Variants in ZC3HAV1 observed in about 807,000 individuals in gnomAD.
ZC3HAV1 encodes zinc finger CCCH-type containing, antiviral 1.
ZC3HAV1 carries 41 observed loss-of-function variants against 86.6 expected under a neutral mutation model. The observed-to-expected ratio is 0.47, with a 90% CI of 0.37 to 0.61. ZC3HAV1 has a LOEUF of 0.61. Among genes scored for constraint, ZC3HAV1 ranks in the 20% least tolerant of loss-of-function variants. The probability of loss-of-function intolerance (pLI) is 0.00; values close to 1 mark genes in which losing one functional copy is unlikely to be tolerated. For missense variants in ZC3HAV1, 964 were observed against 1,141.1 expected (o/e 0.84, Z 2.24); for synonymous variants, 421 against 432.1 (o/e 0.97, Z 0.32).
At position 139,093,999 on chromosome 7, in the gene ZC3HAV1, G is replaced by A. The variant is rs1419282641; in HGVS notation, c.309-4240C>T. On this transcript the variant is annotated intron_variant, in intron 1 of 12. Transcript: ENST00000242351. ...CCAGGAAATAGTATGAAAGTCTCCCGTGGCCTCTTGGGGTTTGCTAAGCTA... is the reference window on the plus strand; with the variant it reads ...CCAGGAAATAGTATGAAAGTCTCCCATGGCCTCTTGGGGTTTGCTAAGCTA... Among the ~76,000 whole-genome samples the A allele has an allele frequency of 2.6e-5, 4 of 152,236 alleles. No individual in the cohort carries two copies. In the East Asian group the frequency reaches 5.8e-4, roughly 22 times the overall value.
intron 9 of ZC3HAV1, among the ~76,000 whole-genome samples, chr7:139,056,598 C>T (rs1370665824): frequency 2.0e-5 from 3 of 151,630 alleles, no homozygotes; most frequent in African/African-American, 7.3e-5. Context: ...GATGGGGTCT[C>T]AACTCACCAT....
At chr7:139,071,404 C>A (rs1816770214) in intron 7 of ZC3HAV1, among the ~76,000 whole-genome samples, 1 of 152,166 alleles carries the variant, frequency 6.6e-6, no homozygotes, top group South Asian at 2.1e-4. Context: ...GCCCGGCCTC[C>A]TGGAACCTTG....
chr7:139,084,973 T>C (rs972436571), intron 2 of ZC3HAV1, among the ~76,000 whole-genome samples: 6 of 152,214 alleles, frequency 3.9e-5, no homozygotes, highest in Non-Finnish European at 8.8e-5. Flanking sequence ...GCCACATGGA[T>C]AATCGCTAAA....
intron 1 of ZC3HAV1, among the ~76,000 whole-genome samples, chr7:139,102,709 T>C (rs571143761): frequency 6.8e-6 from 1 of 147,858 alleles, no homozygotes; most frequent in Non-Finnish European, 1.5e-5. Context: ...CTGGGCAAAA[T>C]AGTGAGACAC....
intron 12 of ZC3HAV1, among the ~76,000 whole-genome samples, chr7:139,050,776 G>T (rs544241283): frequency 6.6e-6 from 1 of 152,286 alleles, no homozygotes; most frequent in East Asian, 1.9e-4. Flanking sequence ...ACTTAAGATG[G>T]TTACTACATT....
intron 1 of ZC3HAV1, among the ~76,000 whole-genome samples, chr7:139,101,945 A>T (rs1817786228): frequency 6.6e-6 from 1 of 151,294 alleles, no homozygotes; most frequent in Admixed American, 6.6e-5. Flanking sequence ...CCTTCCCTCC[A>T]CTATTGTCCT....
chr7:139,062,294 G>A (rs776742845), intron 8 of ZC3HAV1, among the ~76,000 whole-genome samples: 14 of 151,928 alleles, frequency 9.2e-5, no homozygotes, highest in Non-Finnish European at 1.9e-4. Context: ...AAATCTTCCC[G>A]GGACCTCCGC....
chr7:139,072,754 T>C (rs1051292396), intron 7 of ZC3HAV1, among the ~76,000 whole-genome samples: 2 of 152,170 alleles, frequency 1.3e-5, no homozygotes, highest in African/African-American at 4.8e-5. Context: ...TGAATAGTAG[T>C]GACTATCTGT....
At chr7:139,052,895 T>A (rs1221074649) in intron 12 of ZC3HAV1, among the ~76,000 whole-genome samples, 1 of 149,612 alleles carries the variant, frequency 6.7e-6, no homozygotes, top group Non-Finnish European at 1.5e-5. Flanking sequence ...TCACCCAAAC[T>A]GGGTGACAAA....
intron 1 of ZC3HAV1, among the ~76,000 whole-genome samples, chr7:139,094,114 C>T (rs982787242): frequency 6.6e-6 from 1 of 152,182 alleles, no homozygotes; most frequent in Non-Finnish European, 1.5e-5. Context: ...CCATCCCAGA[C>T]ATCCCAGGGT....
At position 139,078,700 on chromosome 7, in the gene ZC3HAV1, C is replaced by A. The variant is rs747074920; in HGVS notation, c.1472-47G>T. The A allele has an allele frequency of 1.9e-5, 26 of 1,404,278 alleles. No homozygotes were observed. The African/African-American group carries it at 3.3e-4, about 18-fold the overall frequency. 87.0% of individuals were successfully genotyped at this position (1,404,278 alleles called of 1,614,324 possible). On this transcript the variant is annotated intron_variant, in intron 4 of 12. Transcript: ENST00000242351. ...ATGTATGCTGATCTTAATGTTTAAA[C>A]CAAAAATCAAAGCACTTGGTCTCAC...
At chr7:139,101,843 C>G (rs1388767169) in intron 1 of ZC3HAV1, among the ~76,000 whole-genome samples, 1 of 151,908 alleles carries the variant, frequency 6.6e-6, no homozygotes, top group Non-Finnish European at 1.5e-5. Context: ...ACTCCCTAAT[C>G]TCAAGTACCC....
rs192451721 is a variant in ZC3HAV1 at position 139,091,394 on chromosome 7, G to A, written c.309-1635C>T. 3.8e-3 allele frequency among the ~76,000 whole-genome samples: 582 copies of A among 152,156 alleles called. 5 individuals are homozygous for A. The highest frequency in any genetic ancestry group is 0.013 in the African/African-American group (545 of 41,540). On this transcript the variant is annotated intron_variant, in intron 1 of 12. Coordinates refer to ENST00000242351, the MANE Select transcript of ZC3HAV1 (RefSeq NM_020119.4). ...GAGGCAGGAGAATGGCGTGAACCCG[G>A]AAGGCGGAGCTTGCAGTGAGCCGAG...
At position 139,047,470 on chromosome 7, in the gene ZC3HAV1, A is replaced by G. The variant is rs541530592; in HGVS notation, c.*124T>C. 1,447 of 1,389,082 alleles carry G rather than the reference A, an allele frequency of 1.0e-3. 3 individuals are homozygous for G. The highest frequency in any genetic ancestry group is 1.4e-3 in the Non-Finnish European group (1,385 of 1,019,208). 86.0% of individuals were successfully genotyped at this position (1,389,082 alleles called of 1,614,324 possible). A position where few individuals can be genotyped will look rare whatever the true frequency, so the allele number is the denominator to read the frequency against. Reference sequence around the variant, plus strand: ...TAATATGTAGCAAAATTTGGGGACCACTGATCTAAGACATTAGATAACTGA... The same window carrying G: ...TAATATGTAGCAAAATTTGGGGACCGCTGATCTAAGACATTAGATAACTGA... On this transcript the variant is annotated 3_prime_UTR_variant, in exon 13 of 13. Coordinates refer to ENST00000242351, the MANE Select transcript of ZC3HAV1 (RefSeq NM_020119.4).
intron 7 of ZC3HAV1, among the ~76,000 whole-genome samples, chr7:139,066,642 C>T (rs1249692078): frequency 1.3e-5 from 2 of 152,100 alleles, no homozygotes; most frequent in Non-Finnish European, 2.9e-5. Context: ...AGCTTGCTGC[C>T]GTGATTCAAT....
intron 1 of ZC3HAV1, among the ~76,000 whole-genome samples, chr7:139,097,426 ATATTT>A (rs1315661756): frequency 2.7e-5 from 2 of 75,290 alleles, no homozygotes; most frequent in African/African-American, 1.6e-4. Context: ...ATATATATAT[ATATTT>A]TTTTTTTTTT....
chr7:139,106,033 A>G (rs1379285858), intron 1 of ZC3HAV1, among the ~76,000 whole-genome samples: 1 of 152,202 alleles, frequency 6.6e-6, no homozygotes, highest in Non-Finnish European at 1.5e-5. Flanking sequence ...GGCTCTGCCA[A>G]TAAATGTTAG....
intron 4 of ZC3HAV1, chr7:139,079,115 C>A (rs768563986): frequency 6.5e-7 from 1 of 1,536,136 alleles, no homozygotes. Context: ...CTGAGCAGAG[C>A]CTGTTGTCTT....
chr7:139,049,185 T>C (rs1299503321), intron 12 of ZC3HAV1, among the ~76,000 whole-genome samples: 1 of 150,120 alleles, frequency 6.7e-6, no homozygotes, highest in Non-Finnish European at 1.5e-5. Context: ...ACAGGGTCTC[T>C]GTCACCCAGG....
Sources: allele counts gnomAD v4.1 joint callset (sites outside exome capture counted in the v4.1 genomes callset), GRCh38; gene constraint gnomAD v4.1.1; transcripts MANE v1.5; gene names NCBI Gene and HGNC (gene_info 2026-07-23, HGNC 2026-07-21).